The following RHOU variants were observed in gnomAD, a reference collection of about 807,000 sequenced individuals.
RHOU encodes ras homolog family member U.
A neutral mutation model predicts 12.6 loss-of-function variants in RHOU; 8 were observed. The ratio of observed to expected loss-of-function variants is 0.64; its 90% CI spans 0.37 to 1.15. RHOU has a LOEUF of 1.15. RHOU is among the 50% of genes most tolerant of loss of function. The pLI, the probability that RHOU is intolerant of heterozygous loss-of-function variation, is 0.01. For synonymous variants in RHOU, 161 were observed against 147.4 expected (o/e 1.09, Z -0.67); for missense variants, 258 against 347.0 (o/e 0.74, Z 2.04).
chr1:228,691,995 C>A, the RHOU span, among the ~76,000 whole-genome samples: 1 of 152,196 alleles, frequency 6.6e-6, no homozygotes, highest in Non-Finnish European at 1.5e-5. Context: ...CAATCATGAA[C>A]TTCCTCTTTG....
the RHOU span, among the ~76,000 whole-genome samples, chr1:228,730,433 C>T: frequency 6.6e-6 from 1 of 152,320 alleles, no homozygotes; most frequent in South Asian, 2.1e-4. Flanking sequence ...GATGATATCA[C>T]TGCAAAGCAG....
chr1:228,739,304 G>C (rs190012696), intron 2 of RHOU, among the ~76,000 whole-genome samples: 1,557 of 152,142 alleles, frequency 0.01, 29 homozygotes, highest in African/African-American at 0.036. Flanking sequence ...GGTTGCTCAC[G>C]CCTGTAATCC....
the RHOU span, among the ~76,000 whole-genome samples, chr1:228,713,073 T>C: frequency 6.6e-6 from 1 of 152,146 alleles, no homozygotes; most frequent in African/African-American, 2.4e-5. Context: ...GTTTGACCCA[T>C]TTCCTGGCAT....
At chr1:228,735,179 G>A (rs949410037), upstream of RHOU, 5 of 152,264 alleles carry the variant, frequency 3.3e-5, no homozygotes, top group African/African-American at 1.2e-4. This position sits in a 1 kb window ranked among gnomAD's most constrained non-coding sequence, Gnocchi z 8.1. Flanking sequence ...ACCCTCTTGG[G>A]AGCTGGGGAG....
Position 228,744,826 on chromosome 1 carries a change from G to A in RHOU, c.*1086G>A, listed in dbSNP as rs1662795862. The A allele has an allele frequency of 6.6e-6, 1 of 152,166 alleles. No individual in the cohort carries two copies. Among genetic ancestry groups the A allele is most frequent in the African/African-American group, 2.4e-5 (1 of 41,428 alleles). The allele number at this position is 152,166 out of a possible 1,614,324, so 9.4% of individuals were successfully genotyped here. A position where few individuals can be genotyped will look rare whatever the true frequency, so the allele number is the denominator to read the frequency against. On this transcript the variant is annotated 3_prime_UTR_variant, in exon 3 of 3. Transcript: ENST00000366691. ...GATTCAGACTTTCACACCATTAATG[G>A]GGAAAAGCGTGGCCACAAAAACAGA...
the RHOU span, among the ~76,000 whole-genome samples, chr1:228,683,520 C>A: frequency 3.9e-5 from 6 of 151,960 alleles, no homozygotes; most frequent in Non-Finnish European, 5.9e-5. Context: ...GGGAAATATA[C>A]TAAAATGATA....
At chr1:228,735,252 C>T (rs1417916678), upstream of RHOU, 1 of 152,220 alleles carries the variant, frequency 6.6e-6, no homozygotes, top group African/African-American at 2.4e-5. The surrounding 1 kb of genome is among the most constrained non-coding windows in gnomAD (Gnocchi z 8.1). Flanking sequence ...GCGCGGGGTC[C>T]CCCGGAACGT....
At chr1:228,650,796 A>G in the RHOU span, 2 of 426,736 alleles carry the variant, frequency 4.7e-6, no homozygotes, top group South Asian at 3.8e-5. Flanking sequence ...GGAGGTGCCT[A>G]CCATGCATCC....
the RHOU span, among the ~76,000 whole-genome samples, chr1:228,693,536 A>C: frequency 1.3e-5 from 2 of 152,006 alleles, no homozygotes; most frequent in Non-Finnish European, 2.9e-5. Flanking sequence ...GCGTGATCTC[A>C]GCTCACTGCA....
chr1:228,647,187 C>T, the RHOU span, among the ~76,000 whole-genome samples: 1 of 152,150 alleles, frequency 6.6e-6, no homozygotes, highest in Non-Finnish European at 1.5e-5. Flanking sequence ...GCGAGAGGAC[C>T]AACGGAGCGC....
At chr1:228,740,635 T>C (rs929613501) in intron 2 of RHOU, among the ~76,000 whole-genome samples, 12 of 152,238 alleles carry the variant, frequency 7.9e-5, no homozygotes, top group African/African-American at 2.9e-4. Context: ...AGTTTCCTTA[T>C]GGAGGAAGGA....
chr1:228,667,952 A>G, the RHOU span, among the ~76,000 whole-genome samples: 1 of 152,200 alleles, frequency 6.6e-6, no homozygotes, highest in South Asian at 2.1e-4. Flanking sequence ...ATTTATAGTA[A>G]GCCTCTTCAA....
At chr1:228,722,396 T>A in the RHOU span, among the ~76,000 whole-genome samples, 1 of 152,124 alleles carries the variant, frequency 6.6e-6, no homozygotes, top group Admixed American at 6.5e-5. Flanking sequence ...TCGTTGCTGA[T>A]GAAACTCTGA....
At position 228,745,721 on chromosome 1, in the gene RHOU, C is replaced by T. The variant is rs1323810552; in HGVS notation, c.*1981C>T. 6.6e-6 allele frequency: 1 copy of T among 152,238 alleles called. No individual in the cohort carries two copies. The highest frequency in any genetic ancestry group is 1.5e-5 in the Non-Finnish European group (1 of 68,048). 9.4% of individuals were successfully genotyped at this position (152,238 alleles called of 1,614,324 possible). ...GTCTCATCTTGCCGCGCCTGGCTTA[C>T]CTATCTGTGGAAAGCTAGGCTTCCC... On this transcript the variant is annotated 3_prime_UTR_variant, in exon 3 of 3. Coordinates refer to ENST00000366691, the MANE Select transcript of RHOU (RefSeq NM_021205.6).
the RHOU span, among the ~76,000 whole-genome samples, chr1:228,656,081 C>T: frequency 6.6e-6 from 1 of 152,168 alleles, no homozygotes; most frequent in Non-Finnish European, 1.5e-5. Flanking sequence ...CTCATTTTTC[C>T]TTAAAAAACT....
chr1:228,660,602 A>G, the RHOU span, among the ~76,000 whole-genome samples: 1 of 151,686 alleles, frequency 6.6e-6, no homozygotes, highest in Non-Finnish European at 1.5e-5. Flanking sequence ...GGTGAAATTC[A>G]TCATAGAAAA....
chr1:228,672,414 C>T, the RHOU span, among the ~76,000 whole-genome samples: 2 of 152,172 alleles, frequency 1.3e-5, no homozygotes, highest in African/African-American at 4.8e-5. Context: ...CCACCTGCTT[C>T]GGCCTCCCAA....
At chr1:228,693,160 T>C in the RHOU span, among the ~76,000 whole-genome samples, 1 of 152,186 alleles carries the variant, frequency 6.6e-6, no homozygotes, top group Admixed American at 6.5e-5. Flanking sequence ...TAAATAAAGG[T>C]TTTTCAATAA....
the RHOU span, among the ~76,000 whole-genome samples, chr1:228,722,655 G>A: frequency 6.1e-5 from 9 of 148,288 alleles, no homozygotes; most frequent in Middle Eastern, 3.6e-3. Flanking sequence ...ATGGAGTCTC[G>A]CTCTATCAGC....
Sources: gnomAD v4.1 joint callset for allele counts (sites outside exome capture counted in the v4.1 genomes callset) on GRCh38, gnomAD v4.1.1 for gene constraint, Gnocchi (gnomAD v3.1) non-coding constraint, MANE v1.5 for transcripts, NCBI Gene and HGNC (gene_info 2026-07-23, HGNC 2026-07-21) for gene names.